PCYT1A: variants seen among roughly 807,000 people sequenced by gnomAD.
PCYT1A encodes the protein phosphate cytidylyltransferase 1A, choline.
PCYT1A carries 25 observed loss-of-function variants against 43.7 expected under a neutral mutation model. That is an observed-to-expected ratio of 0.57 (90% CI 0.42 to 0.80). The LOEUF is 0.80. Ranked by LOEUF, PCYT1A falls within the 30% of genes least tolerant of loss-of-function variation. The pLI, the probability that PCYT1A is intolerant of heterozygous loss-of-function variation, is 0.00. For synonymous variants in PCYT1A, 172 were observed against 170.7 expected, an observed-to-expected ratio of 1.01 and a Z score of -0.06; for missense variants, 421 against 474.2, an observed-to-expected ratio of 0.89 and a Z score of 1.04.
chr3:196,283,806 A>G (rs1245176535), intron 1 of PCYT1A, among the ~76,000 whole-genome samples: 1 of 152,228 alleles, frequency 6.6e-6, no homozygotes, highest in Non-Finnish European at 1.5e-5. Flanking sequence ...AGGAGGGTTG[A>G]CAAGGCCTAA....
Position 196,273,875 on chromosome 3 carries a change from C to T in PCYT1A, c.-10-3334G>A, listed in dbSNP as rs76868961. Among the ~76,000 whole-genome samples the T allele has an allele frequency of 4.9e-3, 747 of 152,304 alleles. 6 individuals are homozygous for T. Among genetic ancestry groups the T allele is most frequent in the African/African-American group, 0.017 (726 of 41,582 alleles). On this transcript the variant is annotated intron_variant, in intron 1 of 8. Coordinates refer to ENST00000431016, the MANE Select transcript of PCYT1A (RefSeq NM_001312673.2). The surrounding 1 kb of genome is among the most constrained non-coding windows in gnomAD (Gnocchi z 4.1). The stretch of plus-strand genomic sequence containing the variant: ...TGAAGGTGGGGCTTCACCAGGGACC[C>T]GCCCATTTCCGCCTAGGAGCCTGTC...
chr3:196,263,632 T>TTTTTG (rs545384828), intron 2 of PCYT1A, among the ~76,000 whole-genome samples: 59 of 152,156 alleles, frequency 3.9e-4, no homozygotes, highest in African/African-American at 1.2e-3. Flanking sequence ...GGGATCTGTT[T>TTTTTG]TTTTGTTTTG....
At position 196,235,697 on chromosome 3, in the gene PCYT1A, T is replaced by G. The variant is rs1437290506; in HGVS notation, c.*2991A>C. 2.0e-5 allele frequency: 3 copies of G among 152,270 alleles called. No homozygotes were observed. Among genetic ancestry groups the G allele is most frequent in the Non-Finnish European group, 2.9e-5 (2 of 68,052 alleles). The allele number at this position is 152,270 out of a possible 1,614,324, so 9.4% of individuals were successfully genotyped here. A position where few individuals can be genotyped will look rare whatever the true frequency, so the allele number is the denominator to read the frequency against. On this transcript the variant is annotated 3_prime_UTR_variant, in exon 9 of 9. Coordinates refer to ENST00000431016, the MANE Select transcript of PCYT1A (RefSeq NM_001312673.2). This position sits in a 1 kb window ranked among gnomAD's most constrained non-coding sequence, Gnocchi z 4.3. ...TCTAAGGCCAACACTTCTGGCTCTC[T>G]CATCTTGGCCACATTTGGCCCACCC...
chr3:196,262,310 CA>C (rs1397243747), intron 2 of PCYT1A, among the ~76,000 whole-genome samples: 1 of 152,162 alleles, frequency 6.6e-6, no homozygotes, highest in East Asian at 1.9e-4. Context: ...TCATCTTCTA[CA>C]AAATAGAAAA....
At chr3:196,285,242 T>C (rs992663029) in intron 1 of PCYT1A, among the ~76,000 whole-genome samples, 4 of 152,176 alleles carry the variant, frequency 2.6e-5, no homozygotes, top group African/African-American at 9.7e-5. Context: ...GTAGATCACC[T>C]AAGCTCGGAA....
chr3:196,235,601 C>A lies in PCYT1A; in HGVS notation c.*3087G>T, dbSNP rs1174645131. 3 of 152,330 alleles carry A rather than the reference C, an allele frequency of 2.0e-5. No individual in the cohort carries two copies. The highest frequency in any genetic ancestry group is 4.4e-5 in the Non-Finnish European group (3 of 68,118). 9.4% of individuals were successfully genotyped at this position (152,330 alleles called of 1,614,324 possible). A position where few individuals can be genotyped will look rare whatever the true frequency, so the allele number is the denominator to read the frequency against. On this transcript the variant is annotated 3_prime_UTR_variant, in exon 9 of 9. Transcript: ENST00000431016. This position sits in a 1 kb window ranked among gnomAD's most constrained non-coding sequence, Gnocchi z 4.3. The stretch of plus-strand genomic sequence containing the variant: ...AAGACCAAGCTTTCCGTCCGGCCCA[C>A]CGGAAGGCAGTGGCTGCGCCGGCAC...
Position 196,252,431 on chromosome 3 carries a change from T to A in PCYT1A, c.218-4108A>T, listed in dbSNP as rs542730054. 3.3e-5 allele frequency among the ~76,000 whole-genome samples: 5 copies of A among 152,126 alleles called. No individual in the cohort carries two copies. Among genetic ancestry groups the A allele is most frequent in the African/African-American group, 1.2e-4 (5 of 41,520 alleles). On this transcript the variant is annotated intron_variant, in intron 3 of 8. Coordinates refer to ENST00000431016, the MANE Select transcript of PCYT1A (RefSeq NM_001312673.2). This position sits in a 1 kb window ranked among gnomAD's most constrained non-coding sequence, Gnocchi z 4.0. The stretch of plus-strand genomic sequence containing the variant: ...CCGGGATAATTTTTGTATTTTTATA[T>A]TCGTATCCCATGTTGGCCAGGCTGG...
At position 196,270,034 on chromosome 3, in the gene PCYT1A, C is replaced by T. The variant is rs550795618; in HGVS notation, c.117+381G>A. On this transcript the variant is annotated intron_variant, in intron 2 of 8. Transcript: ENST00000431016. ...GATTACAGGCATGCGCCACCACGCC[C>T]GGCTAATTTTGTATTTTTAGTAAAG... Among the ~76,000 whole-genome samples, 43 of 152,138 alleles carry T rather than the reference C, an allele frequency of 2.8e-4. 1 individual carries two copies. In the South Asian group the frequency reaches 3.3e-3, roughly 12 times the overall value.
At position 196,252,684 on chromosome 3, in the gene PCYT1A, C is replaced by A. The variant is rs1724837754; in HGVS notation, c.218-4361G>T. ...AGCTTTGACCAAGCTTTCCAACCAG[C>A]TTTCTTCCTCTGTAACCTTAACTTC... On this transcript the variant is annotated intron_variant, in intron 3 of 8. Transcript: ENST00000431016. This position sits in a 1 kb window ranked among gnomAD's most constrained non-coding sequence, Gnocchi z 4.0. Among the ~76,000 whole-genome samples the A allele has an allele frequency of 6.6e-6, 1 of 152,210 alleles. No homozygotes were observed. The highest frequency in any genetic ancestry group is 2.4e-5 in the African/African-American group (1 of 41,448).
intron 3 of PCYT1A, among the ~76,000 whole-genome samples, chr3:196,250,849 C>A (rs975524508): frequency 2.0e-5 from 3 of 147,186 alleles, no homozygotes; most frequent in Non-Finnish European, 4.5e-5. Context: ...TGCTGAGGAT[C>A]AGATACACCA....
In PCYT1A at chr3:196,248,431, G is replaced by A. The variant is rs559931885; in HGVS notation, c.218-108C>T. On this transcript the variant is annotated intron_variant, in intron 3 of 8. Transcript: ENST00000431016. ...CTGTCACCCAGGCTGGAGTGCAGTG[G>A]CGTGATCTCGGCTCACTGCAACTTC... 34 of 600,164 alleles carry A rather than the reference G, an allele frequency of 5.7e-5. No homozygotes were observed. The African/African-American group carries it at 6.4e-4, about 11-fold the overall frequency. 37.2% of individuals were successfully genotyped at this position (600,164 alleles called of 1,614,324 possible).
rs111517721 is a variant in PCYT1A at position 196,238,444 on chromosome 3, T to TGGG, written c.*241_*243dup. The TGGG allele has an allele frequency of 1.8e-3, 589 of 327,572 alleles. 2 individuals are homozygous for TGGG. The highest frequency in any genetic ancestry group is 0.011 in the African/African-American group (529 of 46,544). 20.3% of individuals were successfully genotyped at this position (327,572 alleles called of 1,614,324 possible). A position where few individuals can be genotyped will look rare whatever the true frequency, so the allele number is the denominator to read the frequency against. On this transcript the variant is annotated 3_prime_UTR_variant, in exon 9 of 9. Coordinates refer to ENST00000431016, the MANE Select transcript of PCYT1A (RefSeq NM_001312673.2). Reference sequence around the variant, plus strand: ...AACATAAACAGTGAAACAAAGCCCTTGGGGGGGGGTAAATGGATGCAGAGC... The same window carrying TGGG: ...AACATAAACAGTGAAACAAAGCCCTTGGGGGGGGGGGGTAAATGGATGCAGAGC...
At chr3:196,265,296 G>C (rs1725234469) in intron 2 of PCYT1A, among the ~76,000 whole-genome samples, 1 of 151,956 alleles carries the variant, frequency 6.6e-6, no homozygotes, top group South Asian at 2.1e-4. Context: ...TCAAACTCCT[G>C]ACCTCGTGAT....
chr3:196,241,041 C>G (rs1235740334), intron 7 of PCYT1A, among the ~76,000 whole-genome samples: 1 of 149,444 alleles, frequency 6.7e-6, no homozygotes, highest in Admixed American at 6.8e-5. Flanking sequence ...TGCCTGTAAT[C>G]CCAGCACTTT....
At chr3:196,281,607 A>G (rs893130011) in intron 1 of PCYT1A, among the ~76,000 whole-genome samples, 1 of 152,184 alleles carries the variant, frequency 6.6e-6, no homozygotes, top group African/African-American at 2.4e-5. Context: ...ACTATTTACA[A>G]TCTGGCCCGT....
rs1207519265 is a variant in PCYT1A, at chr3:196,257,898, G to A, written c.118-11C>T. The A allele has an allele frequency of 1.9e-6, 3 of 1,551,678 alleles. No homozygotes were observed. The highest frequency in any genetic ancestry group is 1.8e-6 in the Non-Finnish European group (2 of 1,125,960). On this transcript the variant is annotated splice_polypyrimidine_tract_variant and intron_variant, in intron 2 of 8. Coordinates refer to ENST00000431016, the MANE Select transcript of PCYT1A (RefSeq NM_001312673.2). ...TGGTTGCCGTAAGCCCTTAAGAAAT[G>A]GAAAGTGAAGGAAAAGAAAGTTCAA...
At position 196,268,364 on chromosome 3, in the gene PCYT1A, G is replaced by GCCCT. The variant is rs1725337031; in HGVS notation, c.117+2047_117+2050dup. On this transcript the variant is annotated intron_variant, in intron 2 of 8. Transcript: ENST00000431016. The surrounding 1 kb of genome is among the most constrained non-coding windows in gnomAD (Gnocchi z 4.4). ...TAAGAAATATTCAGAAACTAACAAT[G>GCCCT]CCCTGTTTTGTTGATTGCTGAGTCA... 6.6e-6 allele frequency among the ~76,000 whole-genome samples: 1 copy of GCCCT among 152,138 alleles called. No individual in the cohort carries two copies. The highest frequency in any genetic ancestry group is 1.5e-5 in the Non-Finnish European group (1 of 68,030).
intron 2 of PCYT1A, chr3:196,267,150 G>A (rs377606593): frequency 5.1e-5 from 14 of 276,494 alleles, no homozygotes; most frequent in Middle Eastern, 1.9e-3. Flanking sequence ...CTGCACTCCA[G>A]CTTGGGCGAC....
intron 1 of PCYT1A, among the ~76,000 whole-genome samples, chr3:196,279,807 G>A (rs1393330212): frequency 1.3e-5 from 2 of 150,762 alleles, no homozygotes; most frequent in Admixed American, 6.6e-5. Context: ...TAGTTTTAGG[G>A]ACTCCTATCC....
Sources: allele counts gnomAD v4.1 joint callset (sites outside exome capture counted in the v4.1 genomes callset), GRCh38; gene constraint gnomAD v4.1.1; non-coding constraint Gnocchi (gnomAD v3.1); transcripts MANE v1.5; gene names NCBI Gene and HGNC (gene_info 2026-07-23, HGNC 2026-07-21).